The following DLG1 variants were observed in gnomAD, a reference collection of about 807,000 sequenced individuals.
DLG1 encodes the protein disks large homolog 1.
DLG1 carries 42 observed loss-of-function variants against 123.4 expected under a neutral mutation model. The ratio of observed to expected loss-of-function variants is 0.34; its 90% CI spans 0.27 to 0.44. The LOEUF (loss-of-function observed/expected upper bound fraction) is 0.44, where lower values mean the gene tolerates loss of function less well. DLG1 is among the 20% of genes least tolerant of loss of function. The probability of loss-of-function intolerance (pLI) is 1.00; values close to 1 mark genes in which losing one functional copy is unlikely to be tolerated. For synonymous variants in DLG1, 317 were observed against 356.2 expected (o/e 0.89, Z 1.24); for missense variants, 942 against 1,082.6 (o/e 0.87, Z 1.82).
intron 15 of DLG1, among the ~76,000 whole-genome samples, chr3:197,086,146 T>C (rs1377774753): frequency 6.6e-6 from 1 of 152,096 alleles, no homozygotes; most frequent in Non-Finnish European, 1.5e-5. Context: ...TTCCCTGATA[T>C]ATTTGATTTA....
intron 1 of DLG1, 34 bp from the exon 2 acceptor site, chr3:197,297,269 G>C (rs778496656): frequency 6.2e-7 from 1 of 1,611,118 alleles, no homozygotes; most frequent in Non-Finnish European, 8.5e-7. Context: ...AAAAAGGATA[G>C]AATCATGTTA....
intron 4 of DLG1, among the ~76,000 whole-genome samples, chr3:197,277,470 A>C (rs1222869781): frequency 1.3e-5 from 2 of 152,006 alleles, no homozygotes; most frequent in African/African-American, 4.8e-5. Context: ...CCTCCCAAGC[A>C]GCTGGAACCA....
At chr3:197,296,307 G>T in intron 3 of DLG1, 39 bp downstream of exon 3, 1 of 1,589,628 alleles carries the variant, frequency 6.3e-7, no homozygotes, top group East Asian at 2.2e-5. Flanking sequence ...GGAGCATAAA[G>T]CCTAGCTGGC....
intron 11 of DLG1, among the ~76,000 whole-genome samples, chr3:197,127,060 T>C (rs376390471): frequency 2.0e-5 from 3 of 152,100 alleles, no homozygotes; most frequent in African/African-American, 7.2e-5. Context: ...ACAGATTTCA[T>C]TTTTCCACCA....
chr3:197,245,907 G>GT (rs1554044989), intron 4 of DLG1, among the ~76,000 whole-genome samples: 4 of 141,664 alleles, frequency 2.8e-5, no homozygotes, highest in Admixed American at 7.0e-5. Flanking sequence ...TTTTGGGGGG[G>GT]GGGGAGGTGG....
chr3:197,060,707 A>C (rs1170240349), intron 22 of DLG1, among the ~76,000 whole-genome samples: 2 of 152,232 alleles, frequency 1.3e-5, no homozygotes, highest in Non-Finnish European at 2.9e-5. Context: ...CTGACAAAGG[A>C]TACTTAGGTT....
chr3:197,297,656 C>T (rs1778158963), intron 1 of DLG1: 2 of 992,716 alleles, frequency 2.0e-6, no homozygotes, highest in South Asian at 9.0e-5. Flanking sequence ...CTGCTCGGGC[C>T]CCCTCCTCTC....
intron 23 of DLG1, among the ~76,000 whole-genome samples, chr3:197,055,833 G>A (rs983507465): frequency 6.6e-6 from 1 of 152,186 alleles, no homozygotes; most frequent in African/African-American, 2.4e-5. Context: ...CTCAAGTGGA[G>A]GGGCTTGTAA....
At chr3:197,075,752 T>C (rs769353517) in intron 18 of DLG1, 2 of 1,238,002 alleles carry the variant, frequency 1.6e-6, no homozygotes, top group Non-Finnish European at 2.3e-6. Context: ...AGAAAGGCAC[T>C]ACCATGAATC....
At chr3:197,085,014 T>C (rs1276298157) in intron 16 of DLG1, among the ~76,000 whole-genome samples, 3 of 151,684 alleles carry the variant, frequency 2.0e-5, no homozygotes. Context: ...CTTGAACTCC[T>C]GACCTCAAGT....
chr3:197,167,652 C>T (rs933321486), intron 5 of DLG1, among the ~76,000 whole-genome samples: 3 of 152,124 alleles, frequency 2.0e-5, no homozygotes, highest in Non-Finnish European at 2.9e-5. Flanking sequence ...GAAAGTCTAA[C>T]GTTATTTTTA....
chr3:197,156,783 C>G (rs1206525981), intron 5 of DLG1, among the ~76,000 whole-genome samples: 1 of 152,050 alleles, frequency 6.6e-6, no homozygotes, highest in Non-Finnish European at 1.5e-5. Flanking sequence ...TAATAGCAGA[C>G]CATCAAAATG....
chr3:197,089,537 A>C (rs1560582669), intron 15 of DLG1, among the ~76,000 whole-genome samples: 1 of 151,812 alleles, frequency 6.6e-6, no homozygotes, highest in East Asian at 1.9e-4. Context: ...TAAAAAAAAA[A>C]AAAAAACAGA....
chr3:197,258,005 T>C lies in DLG1; in HGVS notation c.318+24674A>G, dbSNP rs193238442. 8.5e-5 allele frequency among the ~76,000 whole-genome samples: 13 copies of C among 152,310 alleles called. No individual in the cohort carries two copies. The East Asian group carries it at 2.3e-3, about 27-fold the overall frequency. ...AAAAATAAATCTCTCTTAGACATTATGTGGAAAAGCACAAAATACTGTAAC... is the reference window on the plus strand; with the variant it reads ...AAAAATAAATCTCTCTTAGACATTACGTGGAAAAGCACAAAATACTGTAAC... On this transcript the variant is annotated intron_variant, in intron 4 of 24. Coordinates refer to ENST00000667157, the MANE Select transcript of DLG1 (RefSeq NM_001366207.1).
chr3:197,131,580 CTTTCTTTTT>C (rs1441136522), intron 10 of DLG1, among the ~76,000 whole-genome samples: 12,778 of 119,958 alleles, frequency 0.11, 1,169 homozygotes, highest in South Asian at 0.32. Flanking sequence ...TTATTTCTTC[CTTTCTTTTT>C]TTTTTTTTTT....
chr3:197,153,705 C>G (rs1795038644), intron 5 of DLG1, among the ~76,000 whole-genome samples: 2 of 152,138 alleles, frequency 1.3e-5, no homozygotes, highest in Non-Finnish European at 2.9e-5. Context: ...GGGAGCCAGA[C>G]ATTGAAGACT....
intron 24 of DLG1, among the ~76,000 whole-genome samples, chr3:197,049,556 T>C (rs1274607317): frequency 1.3e-5 from 2 of 151,930 alleles, no homozygotes; most frequent in Non-Finnish European, 1.5e-5. Flanking sequence ...AGAGTTCGAC[T>C]AGCCTGACCA....
intron 3 of DLG1, among the ~76,000 whole-genome samples, chr3:197,292,546 C>T (rs1256272583): frequency 6.6e-6 from 1 of 152,182 alleles, no homozygotes; most frequent in Non-Finnish European, 1.5e-5. Flanking sequence ...AATATGAATA[C>T]ATTTCACACT....
chr3:197,210,482 A>T (rs1167575723), intron 4 of DLG1, among the ~76,000 whole-genome samples: 1 of 144,574 alleles, frequency 6.9e-6, no homozygotes, highest in African/African-American at 2.4e-5. Flanking sequence ...TTATAAAGAT[A>T]ATAAAAGATA....
Sources: gnomAD v4.1 joint callset for allele counts (sites outside exome capture counted in the v4.1 genomes callset) on GRCh38, gnomAD v4.1.1 for gene constraint, MANE v1.5 for transcripts, NCBI Gene and HGNC (gene_info 2026-07-23, HGNC 2026-07-21) for gene names.